The following TYW1 variants were observed in gnomAD, a reference collection of about 807,000 sequenced individuals.
TYW1 encodes the protein S-adenosyl-L-methionine-dependent tRNA 4-demethylwyosine synthase TYW1.
Under a neutral mutation model 96.2 loss-of-function variants are expected in TYW1, and 46 were observed. The ratio of observed to expected loss-of-function variants is 0.48; its 90% CI spans 0.38 to 0.61. The LOEUF (loss-of-function observed/expected upper bound fraction) is 0.61, where lower values mean the gene tolerates loss of function less well. TYW1 is among the 20% of genes least tolerant of loss of function. TYW1 has a pLI of 0.00. For synonymous variants in TYW1, 274 were observed against 323.0 expected (o/e 0.85, Z 1.63); for missense variants, 684 against 909.6 (o/e 0.75, Z 3.19).
At position 67,062,566 on chromosome 7, in the gene TYW1, C is replaced by CAAAAAAAAAA. The variant is rs56770876; in HGVS notation, c.1156-4713_1156-4704dup. ...TGGGTGACAGAGCGAGACTCCGTCT[C>CAAAAAAAAAA]AAAAAAAAAAAAAAAGAAAAGAAAA... On this transcript the variant is annotated intron_variant, in intron 9 of 15. Transcript: ENST00000359626. Among the ~76,000 whole-genome samples, 185 of 89,014 alleles carry CAAAAAAAAAA rather than the reference C, an allele frequency of 2.1e-3. 5 individuals carry two copies. The highest frequency in any genetic ancestry group is 0.012 in the South Asian group (34 of 2,724). The allele number at this position is 89,014 out of a possible 152,430, so 58.4% of individuals were successfully genotyped here. A position where few individuals can be genotyped will look rare whatever the true frequency, so the allele number is the denominator to read the frequency against.
chr7:67,159,975 TA>T (rs1799109616), intron 13 of TYW1, among the ~76,000 whole-genome samples: 1 of 129,648 alleles, frequency 7.7e-6, no homozygotes, highest in Non-Finnish European at 1.6e-5. Flanking sequence ...TAATGTTTTG[TA>T]TTTTTTTTAG....
At chr7:67,104,934 A>G (rs1348464072) in intron 12 of TYW1, among the ~76,000 whole-genome samples, 2 of 152,246 alleles carry the variant, frequency 1.3e-5, no homozygotes, top group Admixed American at 6.5e-5. Flanking sequence ...AATTCTTCAA[A>G]TCAGCCTGGA....
At chr7:67,096,590 T>TA (rs1796924204) in intron 11 of TYW1, among the ~76,000 whole-genome samples, 1 of 152,056 alleles carries the variant, frequency 6.6e-6, no homozygotes, top group African/African-American at 2.4e-5. Context: ...GTTTTTTTTT[T>TA]AACTCTTAAG....
chr7:67,189,323 T>G (rs1040212251), intron 14 of TYW1, among the ~76,000 whole-genome samples: 5 of 85,608 alleles, frequency 5.8e-5, no homozygotes, highest in African/African-American at 2.5e-4. Flanking sequence ...GCATCTGTGT[T>G]GTGTGTGTGC....
chr7:67,228,701 G>A (rs1213194939), intron 15 of TYW1, among the ~76,000 whole-genome samples: 4 of 152,176 alleles, frequency 2.6e-5, no homozygotes, highest in Non-Finnish European at 5.9e-5. Flanking sequence ...ACTCTTGAAT[G>A]TGTAGAACTA....
At chr7:67,232,484 G>A (rs1406043441) in intron 15 of TYW1, among the ~76,000 whole-genome samples, 2 of 150,456 alleles carry the variant, frequency 1.3e-5, no homozygotes, top group African/African-American at 4.9e-5. Context: ...AGGTTGCAAT[G>A]AAGCCGAGAT....
At chr7:67,052,619 T>C (rs1457617673) in intron 8 of TYW1, among the ~76,000 whole-genome samples, 2 of 152,236 alleles carry the variant, frequency 1.3e-5, no homozygotes, top group Non-Finnish European at 2.9e-5. Context: ...CTTTGGTTGA[T>C]GGATTTTTTC....
At chr7:67,122,695 A>G (rs1797794970) in intron 13 of TYW1, among the ~76,000 whole-genome samples, 1 of 152,134 alleles carries the variant, frequency 6.6e-6, no homozygotes, top group South Asian at 2.1e-4. Flanking sequence ...TGTGATTGTC[A>G]TGTTAAAGAC....
intron 15 of TYW1, among the ~76,000 whole-genome samples, chr7:67,231,624 G>A (rs1801750850): frequency 1.3e-5 from 2 of 152,202 alleles, no homozygotes; most frequent in African/African-American, 4.8e-5. Context: ...AGCTTTCCTT[G>A]CAGTAATTGA....
chr7:67,050,856 A>G (rs1795331530), intron 8 of TYW1, among the ~76,000 whole-genome samples: 1 of 151,788 alleles, frequency 6.6e-6, no homozygotes, highest in Non-Finnish European at 1.5e-5. Flanking sequence ...CTTACTAGCA[A>G]TAACATTTTC....
chr7:67,137,743 A>G (rs200300867), intron 13 of TYW1, among the ~76,000 whole-genome samples: 1 of 151,896 alleles, frequency 6.6e-6, no homozygotes, highest in Admixed American at 6.6e-5. Context: ...ATTAAAAAAA[A>G]ATTTGAGGTG....
chr7:67,035,843 A>T (rs1794822241), intron 7 of TYW1, among the ~76,000 whole-genome samples: 2 of 151,704 alleles, frequency 1.3e-5, no homozygotes, highest in East Asian at 3.9e-4. Flanking sequence ...ATGCCCAGCT[A>T]ATTTTTTGTG....
intron 7 of TYW1, among the ~76,000 whole-genome samples, chr7:67,038,286 G>T (rs940903458): frequency 6.6e-6 from 1 of 151,434 alleles, no homozygotes; most frequent in South Asian, 2.1e-4. Context: ...CTGGGTGACA[G>T]AGTGAGACTG....
chr7:67,060,062 C>G (rs781376632), intron 9 of TYW1, among the ~76,000 whole-genome samples: 4 of 140,298 alleles, frequency 2.9e-5, no homozygotes, highest in Non-Finnish European at 6.1e-5. Context: ...TGTGAGCCAC[C>G]GTGCCCGGCC....
chr7:67,066,195 T>C (rs763002089), intron 9 of TYW1, among the ~76,000 whole-genome samples: 3 of 152,182 alleles, frequency 2.0e-5, no homozygotes, highest in Non-Finnish European at 4.4e-5. Flanking sequence ...GGGAATGACA[T>C]TGATTTCACT....
At chr7:67,193,852 T>TTGTGTG (rs34815766) in intron 14 of TYW1, among the ~76,000 whole-genome samples, 9 of 148,732 alleles carry the variant, frequency 6.1e-5, no homozygotes, top group African/African-American at 2.0e-4. Context: ...TTGTGTGTGT[T>TTGTGTG]TGTGTGTGTG....
At chr7:67,192,686 C>T (rs1386459017) in intron 14 of TYW1, among the ~76,000 whole-genome samples, 1 of 152,158 alleles carries the variant, frequency 6.6e-6, no homozygotes, top group African/African-American at 2.4e-5. Context: ...TCACCTTAAG[C>T]TCTGTTACTG....
chr7:67,124,028 G>A (rs1270538771), intron 13 of TYW1, among the ~76,000 whole-genome samples: 11 of 152,066 alleles, frequency 7.2e-5, no homozygotes, highest in South Asian at 2.1e-4. Flanking sequence ...GAAGTCAAAG[G>A]CATTTCCTTT....
intron 15 of TYW1, among the ~76,000 whole-genome samples, chr7:67,205,795 C>CTTT (rs35166102): frequency 5.1e-4 from 76 of 149,352 alleles, no homozygotes; most frequent in Non-Finnish European, 7.1e-4. Context: ...ACTTGGGACT[C>CTTT]TTTTTTTTTT....
Sources: allele counts gnomAD v4.1 joint callset (sites outside exome capture counted in the v4.1 genomes callset), GRCh38; gene constraint gnomAD v4.1.1; transcripts MANE v1.5; gene names NCBI Gene and HGNC (gene_info 2026-07-23, HGNC 2026-07-21).